Variants in GSDMB observed in about 807,000 individuals in gnomAD.
GSDMB encodes the protein gasdermin B, also known as gasdermin-B.
GSDMB carries 32 observed loss-of-function variants against 42.9 expected under a neutral mutation model. The observed-to-expected ratio is 0.75, with a 90% CI of 0.56 to 1.00. The LOEUF is 1.00. GSDMB is among the 50% of genes least tolerant of loss of function. GSDMB has a pLI of 0.00. For synonymous variants in GSDMB, 175 were observed against 193.7 expected (o/e 0.90, Z 0.80); for missense variants, 468 against 498.5 (o/e 0.94, Z 0.58).
chr17:39,908,683 A>G (rs2063551483), intron 5 of GSDMB, among the ~76,000 whole-genome samples: 1 of 152,180 alleles, frequency 6.6e-6, no homozygotes, highest in Admixed American at 6.6e-5. Flanking sequence ...TCCAGCCAAA[A>G]AAGACAATTA....
chr17:39,911,323 C>CGAAAAAAAA (rs2063603503), intron 3 of GSDMB, among the ~76,000 whole-genome samples: 1 of 116,546 alleles, frequency 8.6e-6, no homozygotes, highest in Admixed American at 9.0e-5. Context: ...AACTCCATCT[C>CGAAAAAAAA]AAAAAAAAAA....
In GSDMB at chr17:39,904,875, C is replaced by T. The variant is rs774696030; in HGVS notation, c.1188G>A (p.Ala396=). 34 of 1,613,450 alleles carry T rather than the reference C, an allele frequency of 2.1e-5. No homozygotes were observed. In the South Asian group the frequency reaches 3.2e-4, roughly 15 times the overall value. Reference sequence around the variant, plus strand: ...GCAGGATAGAGACAACAACATACAGCGCACAGAGAATTCGTGCCTCAGGGT... The same window carrying T: ...GCAGGATAGAGACAACAACATACAGTGCACAGAGAATTCGTGCCTCAGGGT... ...DYDPEARILC[A]LYVVVSILLE... is the part of the protein sequence containing the mutation. The change falls in exon 11 of 11, where the codon GCG becomes GCA. Residue 396 remains alanine (A), a synonymous_variant. Coordinates refer to ENST00000418519, the MANE Select transcript of GSDMB (RefSeq NM_001165958.2).
rs1598282054 is a variant in GSDMB at position 39,917,581 on chromosome 17, C to T, written c.-14-251G>A. 3 of 375,112 alleles carry T rather than the reference C, an allele frequency of 8.0e-6. No homozygotes were observed. The Admixed American group carries it at 1.3e-4, about 17-fold the overall frequency. 23.2% of individuals were successfully genotyped at this position (375,112 alleles called of 1,614,324 possible). A position where few individuals can be genotyped will look rare whatever the true frequency, so the allele number is the denominator to read the frequency against. On this transcript the variant is annotated intron_variant, in intron 1 of 10. Transcript: ENST00000418519. ...CTGCCCCACCCTGATACAATATAGT[C>T]TCCCCGCCGCCGCCCTTAAGAAGGT...
At chr17:39,914,485 G>C (rs950957674) in intron 2 of GSDMB, among the ~76,000 whole-genome samples, 4 of 152,150 alleles carry the variant, frequency 2.6e-5, no homozygotes, top group African/African-American at 9.7e-5. Context: ...ACATGGGCTG[G>C]GTGCAGCGGC....
At chr17:39,916,361 C>T (rs893153749) in intron 2 of GSDMB, among the ~76,000 whole-genome samples, 9 of 150,426 alleles carry the variant, frequency 6.0e-5, no homozygotes, top group Admixed American at 6.0e-4. Context: ...CAGCTCACGG[C>T]AACCTGCACC....
In GSDMB at chr17:39,912,310, C is replaced by T; in HGVS notation, c.407+16G>A. 2 of 1,606,878 alleles carry T rather than the reference C, an allele frequency of 1.2e-6. No individual in the cohort carries two copies. The highest frequency in any genetic ancestry group is 1.7e-5 in the Admixed American group (1 of 59,560). On this transcript the variant is annotated intron_variant, in intron 3 of 10. Coordinates refer to ENST00000418519, the MANE Select transcript of GSDMB (RefSeq NM_001165958.2). The stretch of plus-strand genomic sequence containing the variant: ...GCTTCTTCCCCTCCTTCCCTGCTGC[C>T]CAACTCCAACCTCACCTGTTTTCAA...
Position 39,909,912 on chromosome 17 carries a change from C to T in GSDMB, c.420G>A (p.Arg140=). The change falls in exon 4 of 11, where the codon AGG becomes AGA. Residue 140 remains arginine (R), a synonymous_variant. Coordinates refer to ENST00000418519, the MANE Select transcript of GSDMB (RefSeq NM_001165958.2). ...LATLENRKLK[R]ELPFSFRSIN... is the part of the protein sequence containing the mutation. ...TTGATCGGAATGAAAAGGGTAGTTC[C>T]CTCTTCAGCTTCCTGGAGAGAGTGG... 6.2e-7 allele frequency: 1 copy of T among 1,613,292 alleles called. No homozygotes were observed. Among genetic ancestry groups the T allele is most frequent in the Non-Finnish European group, 8.5e-7 (1 of 1,179,342 alleles).
intron 7 of GSDMB, chr17:39,906,701 T>A: frequency 3.3e-6 from 4 of 1,215,512 alleles, no homozygotes; most frequent in Non-Finnish European, 3.2e-6. Context: ...ACCCCCACAA[T>A]TAAGTCAGAG....
At chr17:39,911,825 G>A (rs534521586) in intron 3 of GSDMB, among the ~76,000 whole-genome samples, 1 of 152,144 alleles carries the variant, frequency 6.6e-6, no homozygotes, top group Non-Finnish European at 1.5e-5. Flanking sequence ...GAGAGCAGAG[G>A]AGAGCAAAGG....
chr17:39,905,100 C>T, intron 10 of GSDMB, 136 bp from the exon 11 acceptor site: 1 of 755,888 alleles, frequency 1.3e-6, no homozygotes, highest in South Asian at 1.7e-5. Context: ...CCTGCAGAGC[C>T]CGGAGAGCTT....
chr17:39,905,900 A>T lies in GSDMB; in HGVS notation c.974T>A (p.Val325Asp), dbSNP rs2063495682. The change falls in exon 9 of 11, where the codon GTC (valine) becomes GAC (aspartate). Residue 325 changes from valine (V) to aspartate (D), a missense_variant. Transcript: ENST00000418519. ...GGCTTTTGCACGCGCTTCTACCAAG[A>T]CCCCAGCAGCATTAAAAAGGCTGCT... The part of the protein sequence containing the change: ...LLSSLFNAAG[V>D]LVEARAKAIL... The T allele has an allele frequency of 6.2e-7, 1 of 1,613,730 alleles. No homozygotes were observed. Among genetic ancestry groups the T allele is most frequent in the Admixed American group, 1.7e-5 (1 of 59,934 alleles).
intron 3 of GSDMB, among the ~76,000 whole-genome samples, chr17:39,911,865 G>A (rs1326871868): frequency 6.6e-6 from 1 of 152,144 alleles, no homozygotes; most frequent in Non-Finnish European, 1.5e-5. Flanking sequence ...CAGGTTTGGA[G>A]GTGGAGGTTG....
intron 6 of GSDMB, 113 bp downstream of exon 6, chr17:39,908,063 T>C (rs2144679717): frequency 4.2e-6 from 3 of 713,026 alleles, no homozygotes; most frequent in Middle Eastern, 2.3e-4. Flanking sequence ...GGTTCCCACC[T>C]GTGGGTGCGT....
intron 10 of GSDMB, chr17:39,905,210 C>G (rs1437732354): frequency 1.7e-6 from 1 of 604,860 alleles, no homozygotes; most frequent in Non-Finnish European, 2.9e-6. Flanking sequence ...TTGCAGCCCT[C>G]TCTTGCCCAC....
chr17:39,905,127 A>C (rs1275941409), intron 10 of GSDMB, 163 bp from the exon 11 acceptor site: 2 of 648,636 alleles, frequency 3.1e-6, no homozygotes, highest in Non-Finnish European at 5.4e-6. Flanking sequence ...CTCTCAACAT[A>C]GTGGCAGGCT....
Position 39,908,208 on chromosome 17 carries a change from T to C in GSDMB, c.668A>G (p.His223Arg). Residue 223 changes from histidine (H) to arginine (R), a missense_variant, in exon 6 of 11, where the codon CAT becomes CGT. By Grantham distance (29) the His-to-Arg change is conservative. Coordinates refer to ENST00000418519, the MANE Select transcript of GSDMB (RefSeq NM_001165958.2). ...AAAGGATTTTGTTTTGCCCCTGAAA[T>C]GAATATCTAAACCAGCACCAAAAAG... Reference protein sequence around the residue: ...VFPNKETMNIHFRGKTKSFPE... With the variant: ...VFPNKETMNIRFRGKTKSFPE... 1.3e-6 allele frequency: 2 copies of C among 1,523,238 alleles called. No individual in the cohort carries two copies. Among genetic ancestry groups the C allele is most frequent in the Non-Finnish European group, 1.8e-6 (2 of 1,121,536 alleles). 94.4% of individuals were successfully genotyped at this position (1,523,238 alleles called of 1,614,324 possible). A position where few individuals can be genotyped will look rare whatever the true frequency, so the allele number is the denominator to read the frequency against.
chr17:39,915,996 G>C (rs1407739508), intron 2 of GSDMB, among the ~76,000 whole-genome samples: 1 of 152,078 alleles, frequency 6.6e-6, no homozygotes, highest in Non-Finnish European at 1.5e-5. Flanking sequence ...ATTCCACTTT[G>C]GGCTCCAAGT....
rs769200123 is a variant in GSDMB at position 39,917,159 on chromosome 17, G to A, written c.158C>T (p.Thr53Ile). 1 of 1,613,994 alleles carries A rather than the reference G, an allele frequency of 6.2e-7. No homozygotes were observed. Among genetic ancestry groups the A allele is most frequent in the African/African-American group, 1.3e-5 (1 of 74,912 alleles). The change falls in exon 2 of 11, where the codon ACA becomes ATA. Residue 53 changes from threonine to isoleucine, a missense_variant. By Grantham distance (89) the Thr-to-Ile change is moderately conservative. Coordinates refer to ENST00000418519, the MANE Select transcript of GSDMB (RefSeq NM_001165958.2). ...AATGTCCATCAGGGTGAGGCCTGTTGTGTAGTGCCGGCATCCAAAGAAAGT... is the reference window on the plus strand; with the variant it reads ...AATGTCCATCAGGGTGAGGCCTGTTATGTAGTGCCGGCATCCAAAGAAAGT... ...KRTFFGCRHY[T>I]TGLTLMDILD...
chr17:39,906,498 C>A, intron 7 of GSDMB: 1 of 1,267,020 alleles, frequency 7.9e-7, no homozygotes, highest in Non-Finnish European at 1.0e-6. Flanking sequence ...CCAGTCTAGT[C>A]CCAACCCCAA....
Sources: allele counts gnomAD v4.1 joint callset (sites outside exome capture counted in the v4.1 genomes callset), GRCh38; gene constraint gnomAD v4.1.1; transcripts MANE v1.5; gene names NCBI Gene and HGNC (gene_info 2026-07-23, HGNC 2026-07-21).